The following PLCG2 variants were observed in gnomAD, a reference collection of about 807,000 sequenced individuals.
The protein encoded by PLCG2 is phospholipase C gamma 2.
PLCG2 carries 69 observed loss-of-function variants against 175.6 expected under a neutral mutation model. The ratio of observed to expected loss-of-function variants is 0.39; its 90% CI spans 0.32 to 0.48. The LOEUF (loss-of-function observed/expected upper bound fraction) is 0.48. Ranked by LOEUF, PLCG2 falls within the 20% of genes least tolerant of loss-of-function variation. PLCG2 has a pLI of 0.91. For synonymous variants in PLCG2, 827 were observed against 624.0 expected (o/e 1.33, Z -4.85); for missense variants, 1,798 against 1,650.9 (o/e 1.09, Z -1.54).
intron 10 of PLCG2, among the ~76,000 whole-genome samples, chr16:81,891,132 C>A (rs1362603313): frequency 1.3e-5 from 2 of 152,078 alleles, no homozygotes; most frequent in South Asian, 4.2e-4. Context: ...CACTGCACTC[C>A]AGCCTGGGCA....
At chr16:81,841,472 C>A (rs542315149) in intron 2 of PLCG2, among the ~76,000 whole-genome samples, 47 of 152,114 alleles carry the variant, frequency 3.1e-4, no homozygotes, top group African/African-American at 1.1e-3. Context: ...AACTCCTGAC[C>A]TCAAGTGATC....
chr16:81,927,671 T>C (rs1910332315), intron 23 of PLCG2, among the ~76,000 whole-genome samples: 1 of 152,160 alleles, frequency 6.6e-6, no homozygotes, highest in Non-Finnish European at 1.5e-5. Context: ...CCACCAAGGA[T>C]GATATCTTTG....
chr16:81,922,118 A>G (rs974700921), intron 21 of PLCG2, among the ~76,000 whole-genome samples: 3 of 152,170 alleles, frequency 2.0e-5, no homozygotes, highest in African/African-American at 7.2e-5. Context: ...ATACGCAAGT[A>G]GAGGCTGCTC....
chr16:81,851,067 T>A (rs1463325330), intron 2 of PLCG2, among the ~76,000 whole-genome samples: 1 of 152,148 alleles, frequency 6.6e-6, no homozygotes, highest in Non-Finnish European at 1.5e-5. Flanking sequence ...GATGAGTCCT[T>A]TCTCTACTTT....
At chr16:81,912,846 C>A in intron 19 of PLCG2, 130 bp downstream of exon 19, 1 of 1,156,974 alleles carries the variant, frequency 8.6e-7, no homozygotes, top group East Asian at 2.7e-5. Context: ...GCGACAACAA[C>A]AACCACCACA....
chr16:81,865,768 G>A (rs1010159747), intron 5 of PLCG2, among the ~76,000 whole-genome samples: 2 of 147,374 alleles, frequency 1.4e-5, no homozygotes, highest in Admixed American at 1.3e-4. Context: ...GTGAGAGGAC[G>A]CTGGCCTCTC....
chr16:81,849,102 T>A (rs1327985871), intron 2 of PLCG2, among the ~76,000 whole-genome samples: 3 of 151,824 alleles, frequency 2.0e-5, no homozygotes, highest in Non-Finnish European at 2.9e-5. Flanking sequence ...CCACGTGGGG[T>A]TGGAGGGGTC....
rs148641109 is a variant in PLCG2, at chr16:81,817,021, C to T, written c.193+30839C>T. Reference sequence around the variant, plus strand: ...CCCAGAAGGTGACGGGCACTGGATGCGTTAGATGCTGGGGAAATAGAGGCA... The same window carrying T: ...CCCAGAAGGTGACGGGCACTGGATGTGTTAGATGCTGGGGAAATAGAGGCA... On this transcript the variant is annotated intron_variant, in intron 2 of 32. Transcript: ENST00000564138. Among the ~76,000 whole-genome samples, 229 of 152,224 alleles carry T rather than the reference C, an allele frequency of 1.5e-3. 1 individual carries two copies. Among genetic ancestry groups the T allele is most frequent in the African/African-American group, 5.1e-3 (212 of 41,510 alleles).
At chr16:81,779,198 TGGGCGCGCCTG>T (rs1161558796), upstream of PLCG2, 1 of 151,704 alleles carries the variant, frequency 6.6e-6, no homozygotes, top group African/African-American at 2.4e-5. Flanking sequence ...CGGACCCGGC[TGGGCGCGCCTG>T]GGGCGGGGCG....
intron 2 of PLCG2, among the ~76,000 whole-genome samples, chr16:81,771,390 T>C (rs1910278357): frequency 6.6e-6 from 1 of 152,176 alleles, no homozygotes; most frequent in Non-Finnish European, 1.5e-5. Flanking sequence ...AAAGCACTGA[T>C]GAGTTTTGTG....
intron 15 of PLCG2, among the ~76,000 whole-genome samples, chr16:81,906,723 C>T (rs1372832004): frequency 2.6e-5 from 4 of 152,128 alleles, no homozygotes; most frequent in Non-Finnish European, 4.4e-5. Context: ...TGTACCCAGC[C>T]AAAAATGGCA....
At chr16:81,788,417 A>G (rs929793050) in intron 2 of PLCG2, among the ~76,000 whole-genome samples, 5 of 152,120 alleles carry the variant, frequency 3.3e-5, no homozygotes, top group African/African-American at 1.2e-4. Flanking sequence ...AGTAGCTGGG[A>G]CTACAGGCGC....
chr16:81,826,783 C>A (rs1216710348), intron 2 of PLCG2, among the ~76,000 whole-genome samples: 3 of 152,196 alleles, frequency 2.0e-5, no homozygotes, highest in African/African-American at 7.2e-5. Context: ...TTCCCAAAGC[C>A]ACTTAGCTGG....
At chr16:81,930,881 T>C (rs1354713695) in intron 24 of PLCG2, among the ~76,000 whole-genome samples, 2 of 152,222 alleles carry the variant, frequency 1.3e-5, no homozygotes, top group African/African-American at 4.8e-5. Flanking sequence ...TGTAAACATT[T>C]TGTAAAAATG....
chr16:81,919,733 A>G, intron 20 of PLCG2, 69 bp downstream of exon 20: 1 of 1,353,932 alleles, frequency 7.4e-7, no homozygotes, highest in Non-Finnish European at 1.0e-6. Flanking sequence ...CTGTTCATGA[A>G]TTCAGCAAAC....
rs66799783 is a variant in PLCG2, at chr16:81,767,136, G to GTTTTT, written c.-48+11192_-48+11196dup. Among the ~76,000 whole-genome samples, 53 of 71,772 alleles carry GTTTTT rather than the reference G, an allele frequency of 7.4e-4. 5 individuals carry two copies. The highest frequency in any genetic ancestry group is 3.1e-3 in the African/African-American group (53 of 17,052). 47.1% of individuals were successfully genotyped at this position (71,772 alleles called of 152,430 possible). A position where few individuals can be genotyped will look rare whatever the true frequency, so the allele number is the denominator to read the frequency against. ...ACCCCATTCAACTGATAAACTCGTG[G>GTTTTT]TTTTTTTTTTTTTTTTTTTTTTTTT... is the stretch of plus-strand genomic sequence containing the variant. On this transcript the variant is annotated intron_variant, in intron 2 of 5. Coordinates refer to the PLCG2 transcript ENST00000565054.
chr16:81,748,739 T>C (rs73604552), intron 1 of PLCG2, among the ~76,000 whole-genome samples: 5,088 of 152,314 alleles, frequency 0.033, 288 homozygotes, highest in African/African-American at 0.11. Context: ...GTAGACTTGA[T>C]GGTAAACCCA....
At chr16:81,825,101 G>T (rs1403017043) in intron 2 of PLCG2, among the ~76,000 whole-genome samples, 22 of 152,130 alleles carry the variant, frequency 1.4e-4, no homozygotes, top group African/African-American at 5.1e-4. Flanking sequence ...TGACTCCTTG[G>T]TCTTAGCCCA....
intron 9 of PLCG2, among the ~76,000 whole-genome samples, chr16:81,888,851 T>C (rs537395101): frequency 6.6e-6 from 1 of 152,196 alleles, no homozygotes; most frequent in Non-Finnish European, 1.5e-5. Flanking sequence ...AAAATATTGT[T>C]GGAATACAAC....
Sources: allele counts gnomAD v4.1 joint callset (sites outside exome capture counted in the v4.1 genomes callset), GRCh38; gene constraint gnomAD v4.1.1; transcripts MANE v1.5; gene names NCBI Gene and HGNC (gene_info 2026-07-23, HGNC 2026-07-21).